The following IRX2 variants were observed in gnomAD, a reference collection of about 807,000 sequenced individuals.
IRX2 encodes iroquois homeobox 2, also known as iroquois-class homeodomain protein IRX-2.
Under a neutral mutation model 42.9 loss-of-function variants are expected in IRX2, and 26 were observed. The observed-to-expected ratio is 0.61, with a 90% CI of 0.44 to 0.84. The LOEUF (loss-of-function observed/expected upper bound fraction) is 0.84. Among genes scored for constraint, IRX2 ranks in the 40% least tolerant of loss-of-function variants. The pLI, the probability that IRX2 is intolerant of heterozygous loss-of-function variation, is 0.00. For missense variants in IRX2, 782 were observed against 713.9 expected (o/e 1.10, Z -1.09); for synonymous variants, 424 against 353.9 (o/e 1.20, Z -2.22).
rs1175317286 is a variant in IRX2 at position 2,749,583 on chromosome 5, T to C, written c.454A>G (p.Ile152Val). ...TGGGTGAGGGTCATCTTGGTGATGA[T>C]GGCTAGCATGATCTTCTCGCCCTTG... ...PTKGEKIMLA[I>V]ITKMTLTQVS... The change falls in exon 2 of 4, where the codon ATC becomes GTC. Residue 152 changes from isoleucine (I) to valine (V), a missense_variant. Coordinates refer to ENST00000302057, the MANE Select transcript of IRX2 (RefSeq NM_033267.5). The C allele has an allele frequency of 1.2e-6, 2 of 1,614,236 alleles. No homozygotes were observed. The highest frequency in any genetic ancestry group is 2.2e-5 in the East Asian group (1 of 44,874).
In IRX2 at chr5:2,749,076, G is replaced by A. The variant is rs1466412607; in HGVS notation, c.656-24C>T. ...CCCTGTGGGGGCGCGGGCACGGTGG[G>A]TGGCACGAGGGGACAGCGCAGGCAC... On this transcript the variant is annotated intron_variant, in intron 2 of 3. Coordinates refer to ENST00000302057, the MANE Select transcript of IRX2 (RefSeq NM_033267.5). 4 of 1,591,514 alleles carry A rather than the reference G, an allele frequency of 2.5e-6. No individual in the cohort carries two copies. The African/African-American group carries it at 5.4e-5, about 21-fold the overall frequency.
In IRX2 at chr5:2,746,941, T is replaced by C. The variant is rs1737688152; in HGVS notation, c.*623A>G. On this transcript the variant is annotated 3_prime_UTR_variant, in exon 4 of 4. Transcript: ENST00000302057. ...ACTCGTTGCAAAGCAACATATTTTTTGAGATACTGTTGTGAGCCCCGGGAG... is the reference window on the plus strand; with the variant it reads ...ACTCGTTGCAAAGCAACATATTTTTCGAGATACTGTTGTGAGCCCCGGGAG... 6.6e-6 allele frequency: 1 copy of C among 152,446 alleles called. No homozygotes were observed. Among genetic ancestry groups the C allele is most frequent in the Admixed American group, 6.5e-5 (1 of 15,276 alleles). 9.4% of individuals were successfully genotyped at this position (152,446 alleles called of 1,614,324 possible).
rs768698662 is a variant in IRX2, at chr5:2,749,389, C to T, written c.648G>A (p.Glu216=). 5.6e-6 allele frequency: 9 copies of T among 1,606,814 alleles called. No homozygotes were observed. Among genetic ancestry groups the T allele is most frequent in the Non-Finnish European group, 6.8e-6 (8 of 1,176,828 alleles). ...CGGCCGCTGCCCGCTCACCTTCGTCCTCTGCCGAGGTCTCCGTGCCCTCCT... is the reference window on the plus strand; with the variant it reads ...CGGCCGCTGCCCGCTCACCTTCGTCTTCTGCCGAGGTCTCCGTGCCCTCCT... ...KAQEGTETSA[E]DEGISLHVDS... The change falls in exon 2 of 4, where the codon GAG becomes GAA. Residue 216 remains glutamate, a synonymous_variant. Coordinates refer to ENST00000302057, the MANE Select transcript of IRX2 (RefSeq NM_033267.5).
At chr5:2,747,640 T>A in intron 3 of IRX2, 24 bp from the exon 4 acceptor site, 1 of 1,612,818 alleles carries the variant, frequency 6.2e-7, no homozygotes, top group Non-Finnish European at 8.5e-7. Context: ...GGGCAGTTAG[T>A]CAGAACCGAC....
Position 2,751,605 on chromosome 5 carries a change from C to G in IRX2, c.-192G>C, listed in dbSNP as rs1437764285. 2 of 174,900 alleles carry G rather than the reference C, an allele frequency of 1.1e-5. No individual in the cohort carries two copies. Among genetic ancestry groups the G allele is most frequent in the Non-Finnish European group, 2.2e-5 (2 of 91,198 alleles). 10.8% of individuals were successfully genotyped at this position (174,900 alleles called of 1,614,324 possible). ...GGCGGGGTGGCGGTGGCGGCGGCAG[C>G]AGCGCGGAGCCGGTGGGCGCAGCCG... is the stretch of plus-strand genomic sequence containing the variant. On this transcript the variant is annotated 5_prime_UTR_variant, in exon 1 of 4. Transcript: ENST00000302057. The surrounding 1 kb of genome is among the most constrained non-coding windows in gnomAD (Gnocchi z 4.0).
In IRX2 at chr5:2,751,160, G is replaced by A; in HGVS notation, c.249+5C>T. ...GAGTCCCGCGTCCCGCCCGCGCCCG[G>A]TTACCATGTAGGACGGGAAGCCGGC... is the stretch of plus-strand genomic sequence containing the variant. On this transcript the variant is annotated splice_donor_5th_base_variant and intron_variant, in intron 1 of 3. Transcript: ENST00000302057. This position sits in a 1 kb window ranked among gnomAD's most constrained non-coding sequence, Gnocchi z 4.0. The A allele has an allele frequency of 1.6e-6, 2 of 1,245,418 alleles. No homozygotes were observed. Among genetic ancestry groups the A allele is most frequent in the Non-Finnish European group, 2.0e-6 (2 of 994,346 alleles). 77.1% of individuals were successfully genotyped at this position (1,245,418 alleles called of 1,614,324 possible).
Position 2,748,865 on chromosome 5 carries a change from C to T in IRX2, c.843G>A (p.Lys281=). 6.3e-7 allele frequency: 1 copy of T among 1,592,568 alleles called. No homozygotes were observed. The highest frequency in any genetic ancestry group is 8.5e-7 in the Non-Finnish European group (1 of 1,177,830). ...CGGTAAGCGGCGACGAGGTCACGGGCTTGGGCGGCGCCAGGCCCCGCTCGC... is the reference window on the plus strand; with the variant it reads ...CGGTAAGCGGCGACGAGGTCACGGGTTTGGGCGGCGCCAGGCCCCGCTCGC... ...EEGERGLAPP[K]PVTSSPLTGL... is the part of the protein sequence containing the mutation. The change falls in exon 3 of 4, where the codon AAG becomes AAA. Residue 281 remains lysine, a synonymous_variant. Transcript: ENST00000302057.
At chr5:2,740,020 G>A in the IRX2 span, among the ~76,000 whole-genome samples, 3 of 152,282 alleles carry the variant, frequency 2.0e-5, no homozygotes, top group Non-Finnish European at 2.9e-5. Flanking sequence ...TTCTGGGTCG[G>A]TTGGTGGCTA....
In IRX2 at chr5:2,749,732, G is replaced by A. The variant is rs1388711196; in HGVS notation, c.305C>T (p.Pro102Leu). Residue 102 changes from proline to leucine, a missense_variant, in exon 2 of 4, where the codon CCG becomes CTG. Pro to Leu is a moderately conservative substitution (Grantham distance 98). Transcript: ENST00000302057. ...GTACGGGTAGGCCGCGCTGCCGTAC[G>A]GGTGGTAGCTGATGGCGCCGGTCAT... ...TGMTGAISYHPYGSAAYPYQL... is the reference protein window; with the variant it reads ...TGMTGAISYHLYGSAAYPYQL... 1 of 1,613,294 alleles carries A rather than the reference G, an allele frequency of 6.2e-7. No homozygotes were observed. The highest frequency in any genetic ancestry group is 8.5e-7 in the Non-Finnish European group (1 of 1,179,690).
chr5:2,736,954 G>A, the IRX2 span: 2 of 152,216 alleles, frequency 1.3e-5, no homozygotes, highest in African/African-American at 2.4e-5. Flanking sequence ...TCTAGCAGCT[G>A]ATTTACAAGT....
chr5:2,749,186 G>A, intron 2 of IRX2, 134 bp from the exon 3 acceptor site: 1 of 1,472,282 alleles, frequency 6.8e-7, no homozygotes, highest in Non-Finnish European at 8.9e-7. Context: ...CCACGTGACA[G>A]GCGGAGCCTG....
chr5:2,746,943 A>C lies in IRX2; in HGVS notation c.*621T>G, dbSNP rs1318543994. 6.6e-6 allele frequency: 1 copy of C among 152,256 alleles called. No individual in the cohort carries two copies. Among genetic ancestry groups the C allele is most frequent in the African/African-American group, 2.4e-5 (1 of 41,380 alleles). 9.4% of individuals were successfully genotyped at this position (152,256 alleles called of 1,614,324 possible). On this transcript the variant is annotated 3_prime_UTR_variant, in exon 4 of 4. Transcript: ENST00000302057. The stretch of plus-strand genomic sequence containing the variant: ...TCGTTGCAAAGCAACATATTTTTTG[A>C]GATACTGTTGTGAGCCCCGGGAGAA...
chr5:2,743,368 G>C (rs187717538), downstream of IRX2, among the ~76,000 whole-genome samples: 720 of 152,290 alleles, frequency 4.7e-3, 5 homozygotes, highest in African/African-American at 0.017. Context: ...GCGGGAGGCA[G>C]CGCCCGCGCC....
chr5:2,741,615 C>A (rs574054836), downstream of IRX2, among the ~76,000 whole-genome samples: 1 of 152,210 alleles, frequency 6.6e-6, no homozygotes, highest in South Asian at 2.1e-4. Context: ...TAATTATAAC[C>A]GTGCTGTTGA....
rs1737944092 is a variant in IRX2, at chr5:2,751,057, C to A, written c.249+108G>T. 3.5e-6 allele frequency: 4 copies of A among 1,153,226 alleles called. No homozygotes were observed. The highest frequency in any genetic ancestry group is 4.3e-6 in the Non-Finnish European group (4 of 931,264). 71.4% of individuals were successfully genotyped at this position (1,153,226 alleles called of 1,614,324 possible). ...CCGGCGACTCCTGAGTCGCCAGCCG[C>A]GCCACATTCCCGGCGGCCCCCGCCC... On this transcript the variant is annotated intron_variant, in intron 1 of 3. Coordinates refer to ENST00000302057, the MANE Select transcript of IRX2 (RefSeq NM_033267.5). This position sits in a 1 kb window ranked among gnomAD's most constrained non-coding sequence, Gnocchi z 4.0.
chr5:2,749,122 T>C, intron 2 of IRX2, 70 bp from the exon 3 acceptor site: 1 of 1,546,862 alleles, frequency 6.5e-7, no homozygotes, highest in East Asian at 2.4e-5. Context: ...CTCCGCCCCC[T>C]GTCCTGCGGC....
chr5:2,751,316 C>T lies in IRX2; in HGVS notation c.98G>A (p.Ser33Asn). 1 of 1,437,578 alleles carries T rather than the reference C, an allele frequency of 7.0e-7. No individual in the cohort carries two copies. The allele number at this position is 1,437,578 out of a possible 1,614,324, so 89.1% of individuals were successfully genotyped here. A position where few individuals can be genotyped will look rare whatever the true frequency, so the allele number is the denominator to read the frequency against. Residue 33 changes from serine to asparagine, a missense_variant, in exon 1 of 4, where the codon AGC becomes AAC. Ser to Asn is a conservative substitution (Grantham distance 46, BLOSUM62 1). Transcript: ENST00000302057. The surrounding 1 kb of genome is among the most constrained non-coding windows in gnomAD (Gnocchi z 4.0). ...YGASALAAPR[S>N]EELARSASGS... ...CGACGCCGAGCGCGCCAGCTCCTCG[C>T]TGCGCGGAGCCGCCAAAGCCGACGC...
the IRX2 span, among the ~76,000 whole-genome samples, chr5:2,739,538 C>T: frequency 6.6e-6 from 1 of 151,796 alleles, no homozygotes; most frequent in Non-Finnish European, 1.5e-5. Flanking sequence ...CAGGAGAGAC[C>T]GGGGGGACCG....
chr5:2,748,291 C>T, intron 3 of IRX2, 54 bp downstream of exon 3: 1 of 1,355,818 alleles, frequency 7.4e-7, no homozygotes, highest in Non-Finnish European at 9.4e-7. Context: ...GCTCCGCCTC[C>T]CCGGGGCTGG....
Sources: allele counts gnomAD v4.1 joint callset (sites outside exome capture counted in the v4.1 genomes callset), GRCh38; gene constraint gnomAD v4.1.1; non-coding constraint Gnocchi (gnomAD v3.1); transcripts MANE v1.5; gene names NCBI Gene and HGNC (gene_info 2026-07-23, HGNC 2026-07-21).